Variants in SLC13A1 observed in about 807,000 individuals in gnomAD.
The protein encoded by SLC13A1 is solute carrier family 13 member 1.
A neutral mutation model predicts 70.0 loss-of-function variants in SLC13A1; 65 were observed. The ratio of observed to expected loss-of-function variants is 0.93; its 90% CI spans 0.76 to 1.14. SLC13A1 has a LOEUF of 1.14. Ranked by LOEUF, SLC13A1 falls within the 50% of genes most tolerant of loss-of-function variation. The pLI is 0.00. For missense variants in SLC13A1, 726 were observed against 717.8 expected (o/e 1.01, Z -0.13); for synonymous variants, 275 against 250.5 (o/e 1.10, Z -0.92).
intron 1 of SLC13A1, 50 bp from the exon 2 acceptor site, chr7:123,181,151 G>C: frequency 1.3e-6 from 2 of 1,581,670 alleles, no homozygotes; most frequent in South Asian, 2.3e-5. Context: ...GGCTGGAGAA[G>C]TCAACATTCA....
intron 1 of SLC13A1, among the ~76,000 whole-genome samples, chr7:123,197,530 A>T (rs1282440691): frequency 6.6e-6 from 1 of 152,178 alleles, no homozygotes; most frequent in East Asian, 1.9e-4. Context: ...CTTTCATTGT[A>T]AGCAAGTTAA....
chr7:123,127,399 T>C (rs1465133770), intron 10 of SLC13A1, among the ~76,000 whole-genome samples: 5 of 152,094 alleles, frequency 3.3e-5, no homozygotes, highest in African/African-American at 9.7e-5. Flanking sequence ...TTATTAGCTA[T>C]CTCTGATTTC....
chr7:123,193,471 C>G (rs746562134), intron 1 of SLC13A1, among the ~76,000 whole-genome samples: 1 of 152,130 alleles, frequency 6.6e-6, no homozygotes, highest in Non-Finnish European at 1.5e-5. Context: ...ACTATTTGTC[C>G]ATCATGGGTA....
At position 123,114,056 on chromosome 7, in the gene SLC13A1, C is replaced by G. The variant is rs1274496624; in HGVS notation, c.*1462G>C. 7.2e-6 allele frequency: 1 copy of G among 138,788 alleles called. No homozygotes were observed. The highest frequency in any genetic ancestry group is 2.2e-4 in the East Asian group (1 of 4,636). The allele number at this position is 138,788 out of a possible 1,614,324, so 8.6% of individuals were successfully genotyped here. A position where few individuals can be genotyped will look rare whatever the true frequency, so the allele number is the denominator to read the frequency against. On this transcript the variant is annotated 3_prime_UTR_variant, in exon 15 of 15. Transcript: ENST00000194130. ...CCGAGATCCCGCCACTGCACTCCAG[C>G]CTGGGCGACAGAGCGAGACTCCGTC...
intron 2 of SLC13A1, among the ~76,000 whole-genome samples, chr7:123,175,107 G>C (rs1249193690): frequency 6.6e-6 from 1 of 151,906 alleles, no homozygotes; most frequent in East Asian, 1.9e-4. Flanking sequence ...CTTAGCACAT[G>C]CCTGGCACAA....
rs548122815 is a variant in SLC13A1 at position 123,165,545 on chromosome 7, C to T, written c.660+2829G>A. Among the ~76,000 whole-genome samples, 4 of 152,196 alleles carry T rather than the reference C, an allele frequency of 2.6e-5. No homozygotes were observed. The South Asian group carries it at 8.3e-4, about 32-fold the overall frequency. ...CCCCAATGTCTAATTAATAAAAAAG[C>T]TCAGTTGCTCAGTTAATCAAAAAGC... On this transcript the variant is annotated intron_variant, in intron 6 of 14. Transcript: ENST00000194130.
chr7:123,166,425 G>A (rs1795077634), intron 6 of SLC13A1, among the ~76,000 whole-genome samples: 1 of 151,856 alleles, frequency 6.6e-6, no homozygotes, highest in Non-Finnish European at 1.5e-5. Flanking sequence ...TTAAGTTTTA[G>A]GGTACATGTG....
chr7:123,131,382 G>A (rs1668770788), intron 8 of SLC13A1, among the ~76,000 whole-genome samples: 1 of 152,070 alleles, frequency 6.6e-6, no homozygotes, highest in Non-Finnish European at 1.5e-5. Flanking sequence ...TTTCCACCCA[G>A]TACATTGCAT....
chr7:123,141,519 T>C (rs1418808313), intron 7 of SLC13A1, among the ~76,000 whole-genome samples: 1 of 152,100 alleles, frequency 6.6e-6, no homozygotes, highest in African/African-American at 2.4e-5. Context: ...TTGAAGTCTT[T>C]AGCTATTATT....
chr7:123,140,881 T>A (rs1054601860), intron 7 of SLC13A1, among the ~76,000 whole-genome samples: 42 of 152,234 alleles, frequency 2.8e-4, no homozygotes, highest in African/African-American at 1.0e-3. Context: ...AAAGTTTTCA[T>A]TGATTTTTTT....
chr7:123,154,880 G>A (rs1389343909), intron 6 of SLC13A1, among the ~76,000 whole-genome samples: 1 of 152,024 alleles, frequency 6.6e-6, no homozygotes, highest in East Asian at 1.9e-4. Context: ...CTAGACTTAA[G>A]TCTTCCCTCT....
chr7:123,179,287 A>T (rs1795558140), intron 2 of SLC13A1, among the ~76,000 whole-genome samples: 2 of 152,204 alleles, frequency 1.3e-5, no homozygotes. Context: ...CTTATGAGTT[A>T]AAATTATTCA....
chr7:123,126,368 C>T (rs1252760857), intron 10 of SLC13A1, among the ~76,000 whole-genome samples: 1 of 152,142 alleles, frequency 6.6e-6, no homozygotes, highest in Admixed American at 6.6e-5. Context: ...GTCTTAGAAT[C>T]ACCAGACCAT....
At chr7:123,189,796 T>A (rs1795938482) in intron 1 of SLC13A1, among the ~76,000 whole-genome samples, 1 of 152,068 alleles carries the variant, frequency 6.6e-6, no homozygotes, top group Admixed American at 6.5e-5. Context: ...GAGATTTTTT[T>A]CTTCTCTATT....
Position 123,169,103 on chromosome 7 carries a change from G to A in SLC13A1, c.553+45C>T, listed in dbSNP as rs28364194. On this transcript the variant is annotated intron_variant, in intron 4 of 14. Transcript: ENST00000194130. ...TAGAATTCTTGAGTTTATGTCTATT[G>A]CTCTAATGACTAGACCCCAGATTGG... 8,042 of 1,555,930 alleles carry A rather than the reference G, an allele frequency of 5.2e-3. 334 individuals carry two copies. In the African/African-American group the frequency reaches 0.093, roughly 18 times the overall value.
Position 123,171,964 on chromosome 7 carries a change from A to G in SLC13A1, c.229-60T>C, listed in dbSNP as rs548764175. The stretch of plus-strand genomic sequence containing the variant: ...TGGTGGGGAAAAATAACATTGCACA[A>G]GAAAGACATTATTATGCTGCTCTTA... On this transcript the variant is annotated intron_variant, in intron 2 of 14. Coordinates refer to ENST00000194130, the MANE Select transcript of SLC13A1 (RefSeq NM_022444.4). 61 of 1,510,034 alleles carry G rather than the reference A, an allele frequency of 4.0e-5. No individual in the cohort carries two copies. In the African/African-American group the frequency reaches 8.0e-4, roughly 20 times the overall value. 93.5% of individuals were successfully genotyped at this position (1,510,034 alleles called of 1,614,324 possible). A position where few individuals can be genotyped will look rare whatever the true frequency, so the allele number is the denominator to read the frequency against.
chr7:123,199,922 C>A lies in SLC13A1; in HGVS notation c.25G>T (p.Val9Phe), dbSNP rs966429080. The A allele has an allele frequency of 2.5e-6, 4 of 1,612,782 alleles. No individual in the cohort carries two copies. Among genetic ancestry groups the A allele is most frequent in the Non-Finnish European group, 3.4e-6 (4 of 1,179,264 alleles). The change falls in exon 1 of 15, where the codon GTT becomes TTT. Residue 9 changes from valine to phenylalanine, a missense_variant. Transcript: ENST00000194130. ...ACCACGAAGAGAAATCGGCGATAAA[C>A]CAGAATGTAACTGAAGAATTTCATT... is the stretch of plus-strand genomic sequence containing the variant. MKFFSYIL[V>F]YRRFLFVVFT... is the part of the protein sequence containing the mutation.
In SLC13A1 at chr7:123,131,639, G is replaced by A. The variant is rs919019653; in HGVS notation, c.933-2158C>T. Among the ~76,000 whole-genome samples the A allele has an allele frequency of 2.0e-5, 3 of 152,302 alleles. No homozygotes were observed. In the South Asian group the frequency reaches 6.2e-4, roughly 32 times the overall value. ...AACATACTAATCAGAATGTATGCTA[G>A]TTTGCCAGGGGAGCGGCTGATAATT... On this transcript the variant is annotated intron_variant, in intron 8 of 14. Coordinates refer to ENST00000194130, the MANE Select transcript of SLC13A1 (RefSeq NM_022444.4).
At chr7:123,132,347 C>G (rs1233065819) in intron 8 of SLC13A1, among the ~76,000 whole-genome samples, 2 of 152,062 alleles carry the variant, frequency 1.3e-5, no homozygotes, top group African/African-American at 4.8e-5. Context: ...GGCATGGAAC[C>G]ACTACTGATT....
Sources: allele counts gnomAD v4.1 joint callset (sites outside exome capture counted in the v4.1 genomes callset), GRCh38; gene constraint gnomAD v4.1.1; transcripts MANE v1.5; gene names NCBI Gene and HGNC (gene_info 2026-07-23, HGNC 2026-07-21).